The following MARCHF10 variants were observed in gnomAD, a reference collection of about 807,000 sequenced individuals.
MARCHF10 encodes the protein probable E3 ubiquitin-protein ligase MARCHF10.
Under a neutral mutation model 76.2 loss-of-function variants are expected in MARCHF10, and 64 were observed. That is an observed-to-expected ratio of 0.84 (90% CI 0.69 to 1.03). The LOEUF is 1.03. Among genes scored for constraint, MARCHF10 ranks in the 50% least tolerant of loss-of-function variants. The pLI is 0.00. For missense variants in MARCHF10, 875 were observed against 958.0 expected (o/e 0.91, Z 1.14); for synonymous variants, 340 against 357.5 (o/e 0.95, Z 0.55).
chr17:62,722,238 AC>A (rs2090522226), intron 8 of MARCHF10, among the ~76,000 whole-genome samples: 1 of 142,254 alleles, frequency 7.0e-6, no homozygotes, highest in South Asian at 2.2e-4. Context: ...AGATTGTGCC[AC>A]TGCATTCCCG....
In MARCHF10 at chr17:62,757,995, G is replaced by A. The variant is rs55730753; in HGVS notation, c.382+1840C>T. On this transcript the variant is annotated intron_variant, in intron 4 of 10. Coordinates refer to ENST00000311269, the MANE Select transcript of MARCHF10 (RefSeq NM_152598.4). ...ACTAAAGCATTGGGTGGATCTAAAC[G>A]GTTCCTTTTAATGATTTTTCTCCAC... Among the ~76,000 whole-genome samples, 204 of 152,206 alleles carry A rather than the reference G, an allele frequency of 1.3e-3. 2 individuals carry two copies. The highest frequency in any genetic ancestry group is 3.4e-3 in the Middle Eastern group (1 of 294).
chr17:62,797,661 TG>T (rs2093007670), intron 2 of MARCHF10, among the ~76,000 whole-genome samples: 1 of 152,144 alleles, frequency 6.6e-6, no homozygotes, highest in Admixed American at 6.6e-5. Flanking sequence ...AGGTTGGTTT[TG>T]CTTAGGTTTT....
chr17:62,766,344 T>C (rs2092331365), intron 3 of MARCHF10, among the ~76,000 whole-genome samples: 1 of 149,328 alleles, frequency 6.7e-6, no homozygotes, highest in Non-Finnish European at 1.5e-5. Flanking sequence ...CTACTAAAAA[T>C]ACAAAATTAG....
intron 2 of MARCHF10, among the ~76,000 whole-genome samples, chr17:62,795,570 G>A (rs1352970185): frequency 6.6e-6 from 1 of 152,154 alleles, no homozygotes; most frequent in Admixed American, 6.5e-5. Flanking sequence ...AACTCAGGGC[G>A]AGGTTAGCCC....
At chr17:62,796,126 T>C (rs760827620) in intron 2 of MARCHF10, among the ~76,000 whole-genome samples, 1 of 151,992 alleles carries the variant, frequency 6.6e-6, no homozygotes, top group Non-Finnish European at 1.5e-5. Flanking sequence ...TGCCTCAGTC[T>C]CCCGAGTAGC....
At chr17:62,787,198 T>G (rs145817658) in intron 3 of MARCHF10, among the ~76,000 whole-genome samples, 41 of 152,326 alleles carry the variant, frequency 2.7e-4, no homozygotes, top group African/African-American at 9.4e-4. Context: ...AAATATTTTA[T>G]TGTACGATTT....
chr17:62,797,598 AG>A (rs1025900051), intron 2 of MARCHF10, among the ~76,000 whole-genome samples: 1 of 152,160 alleles, frequency 6.6e-6, no homozygotes, highest in Non-Finnish European at 1.5e-5. Context: ...ACCTTTGCCC[AG>A]GGGAGCAAGG....
chr17:62,736,085 G>C lies in MARCHF10; in HGVS notation c.1783C>G (p.Leu595Val). Residue 595 changes from leucine to valine, a missense_variant, in exon 6 of 11, where the codon CTG (leucine) becomes GTG (valine). By Grantham distance (32) the Leu-to-Val change is conservative. Coordinates refer to ENST00000311269, the MANE Select transcript of MARCHF10 (RefSeq NM_152598.4). The stretch of plus-strand genomic sequence containing the variant: ...AAAGTAAATGGTGTATTTTCTTGCA[G>C]AGACCCAGACACATGCAAATGGCCT... ...SEGHLHVSGSLQENTPFTFFA... is the reference protein window; with the variant it reads ...SEGHLHVSGSVQENTPFTFFA... The C allele has an allele frequency of 1.2e-6, 2 of 1,614,210 alleles. No homozygotes were observed. The highest frequency in any genetic ancestry group is 1.7e-6 in the Non-Finnish European group (2 of 1,180,044).
chr17:62,778,820 GAAGA>G (rs1159715316), intron 3 of MARCHF10, among the ~76,000 whole-genome samples: 2 of 152,122 alleles, frequency 1.3e-5, no homozygotes, highest in Non-Finnish European at 2.9e-5. Flanking sequence ...AGGAGGAGCA[GAAGA>G]AAGAGAAGGC....
intron 4 of MARCHF10, among the ~76,000 whole-genome samples, chr17:62,751,577 C>G (rs2091899188): frequency 1.3e-5 from 2 of 152,162 alleles, no homozygotes; most frequent in Non-Finnish European, 2.9e-5. Context: ...ACTGGAGATT[C>G]TGATGCTGTG....
chr17:62,744,898 G>A (rs1042475006), intron 4 of MARCHF10, among the ~76,000 whole-genome samples: 6 of 150,842 alleles, frequency 4.0e-5, no homozygotes, highest in South Asian at 2.1e-4. Context: ...CTGTAGTCCC[G>A]GAGGCTGAGG....
intron 4 of MARCHF10, among the ~76,000 whole-genome samples, chr17:62,752,335 G>C (rs907250927): frequency 3.9e-5 from 6 of 152,154 alleles, no homozygotes; most frequent in African/African-American, 2.4e-5. Flanking sequence ...ACCAGCAAGT[G>C]CTCTGGGAGG....
chr17:62,772,964 G>T (rs1412385122), intron 3 of MARCHF10, among the ~76,000 whole-genome samples: 1 of 152,140 alleles, frequency 6.6e-6, no homozygotes, highest in African/African-American at 2.4e-5. Context: ...ATATTTTGAT[G>T]ACTATTTCAA....
At chr17:62,724,574 T>G (rs1423532639) in intron 7 of MARCHF10, among the ~76,000 whole-genome samples, 1 of 152,154 alleles carries the variant, frequency 6.6e-6, no homozygotes, top group Non-Finnish European at 1.5e-5. Flanking sequence ...GGCTACTGTG[T>G]GTCTGCTGAG....
intron 9 of MARCHF10, among the ~76,000 whole-genome samples, chr17:62,709,350 C>T (rs1489743675): frequency 3.3e-5 from 5 of 152,108 alleles, no homozygotes; most frequent in East Asian, 1.9e-4. Flanking sequence ...CACAATACAC[C>T]GATAATCCCA....
intron 10 of MARCHF10, chr17:62,704,883 TGAA>T (rs938918658): frequency 1.0e-6 from 1 of 967,846 alleles, no homozygotes; most frequent in East Asian, 1.1e-4. Flanking sequence ...TGCCTCCTGA[TGAA>T]GTTCTTCCCG....
chr17:62,703,903 G>C (rs910518770), intron 10 of MARCHF10, among the ~76,000 whole-genome samples: 11 of 152,212 alleles, frequency 7.2e-5, no homozygotes, highest in African/African-American at 2.4e-4. Flanking sequence ...GGGTGTGCGG[G>C]GAAAGGCTCG....
In MARCHF10 at chr17:62,736,910, C is replaced by T. The variant is rs2147810966; in HGVS notation, c.958G>A (p.Gly320Arg). 1.2e-6 allele frequency: 2 copies of T among 1,614,104 alleles called. No homozygotes were observed. The highest frequency in any genetic ancestry group is 8.5e-7 in the Non-Finnish European group (1 of 1,180,012). The change falls in exon 6 of 11, where the codon GGG (glycine) becomes AGG (arginine). Residue 320 changes from glycine (G) to arginine (R), a missense_variant. By Grantham distance (125) the Gly-to-Arg change is moderately radical (BLOSUM62 -2). Transcript: ENST00000311269. The part of the protein sequence containing the change: ...SPSHHKRSRF[G>R]GTSTPQAKNK... ...TTGGCCTGAGGGGTCGATGTCCCCCCAAATCTACTTCTTTTGTGATGGGAA... is the reference window on the plus strand; with the variant it reads ...TTGGCCTGAGGGGTCGATGTCCCCCTAAATCTACTTCTTTTGTGATGGGAA...
Position 62,737,229 on chromosome 17 carries a change from G to A in MARCHF10, c.639C>T (p.Asn213=), listed in dbSNP as rs751113555. The A allele has an allele frequency of 2.6e-5, 42 of 1,613,938 alleles. No individual in the cohort carries two copies. The highest frequency in any genetic ancestry group is 3.3e-4 in the Middle Eastern group (2 of 6,082). The change falls in exon 6 of 11, where the codon AAC becomes AAT. Residue 213 remains asparagine (N), a synonymous_variant. Transcript: ENST00000311269. ...CTCCTTTTTTGGCTCTATCAGGGGC[G>A]TTCTCAGTCATTGGCTGTGACGATG... is the stretch of plus-strand genomic sequence containing the variant. ...LVPSSQPMTE[N]APDRAKKGDP...
Sources: gnomAD v4.1 joint callset for allele counts (sites outside exome capture counted in the v4.1 genomes callset) on GRCh38, gnomAD v4.1.1 for gene constraint, MANE v1.5 for transcripts, NCBI Gene and HGNC (gene_info 2026-07-23, HGNC 2026-07-21) for gene names.